Variants in KIF13A observed in about 807,000 individuals in gnomAD.
The protein encoded by KIF13A is kinesin-like protein KIF13A.
KIF13A carries 79 observed loss-of-function variants against 212.2 expected under a neutral mutation model. The ratio of observed to expected loss-of-function variants is 0.37; its 90% CI spans 0.31 to 0.45. KIF13A has a LOEUF of 0.45. KIF13A is among the 20% of genes least tolerant of loss of function. KIF13A has a pLI of 1.00. For missense variants in KIF13A, 1,901 were observed against 2,209.0 expected, an observed-to-expected ratio of 0.86 and a Z score of 2.79; for synonymous variants, 789 against 808.6, an observed-to-expected ratio of 0.98 and a Z score of 0.41.
At position 17,892,647 on chromosome 6, in the gene KIF13A, G is replaced by A. The variant is rs929645824; in HGVS notation, c.159+5521C>T. On this transcript the variant is annotated intron_variant, in intron 3 of 38. Transcript: ENST00000259711. This position sits in a 1 kb window ranked among gnomAD's most constrained non-coding sequence, Gnocchi z 4.7. The stretch of plus-strand genomic sequence containing the variant: ...AATTCTTGACTTCTGGGAGGGGAGA[G>A]ACACTAGAGACTGAGTTCAATGGAT... Among the ~76,000 whole-genome samples, 2 of 152,184 alleles carry A rather than the reference G, an allele frequency of 1.3e-5. No individual in the cohort carries two copies. Among genetic ancestry groups the A allele is most frequent in the African/African-American group, 4.8e-5 (2 of 41,434 alleles).
intron 2 of KIF13A, among the ~76,000 whole-genome samples, chr6:17,939,554 G>C (rs554821207): frequency 1.3e-5 from 2 of 152,298 alleles, no homozygotes; most frequent in Non-Finnish European, 2.9e-5. Flanking sequence ...CTACTGGTCT[G>C]TATTCCCAGG....
chr6:17,935,786 G>A (rs1776405513), intron 2 of KIF13A, among the ~76,000 whole-genome samples: 1 of 152,144 alleles, frequency 6.6e-6, no homozygotes, highest in Non-Finnish European at 1.5e-5. Context: ...AAAAGTTGAT[G>A]TACACTACAT....
At chr6:17,765,116 G>C (rs991278416) in intron 38 of KIF13A, among the ~76,000 whole-genome samples, 170 bp from the exon 39 acceptor site, 7 of 152,188 alleles carry the variant, frequency 4.6e-5, no homozygotes, top group African/African-American at 1.7e-4. Flanking sequence ...AGATATAGGT[G>C]TATCAGTATT....
rs1362608854 is a variant in KIF13A, at chr6:17,806,680, G to A, written c.2164-1065C>T. Among the ~76,000 whole-genome samples the A allele has an allele frequency of 3.3e-5, 5 of 152,186 alleles. No homozygotes were observed. The East Asian group carries it at 9.6e-4, about 29-fold the overall frequency. The stretch of plus-strand genomic sequence containing the variant: ...GGATCACCTGAGGTCAGGAGTTCGA[G>A]ACCAGCCTCACTAACATGGTGAAAC... On this transcript the variant is annotated intron_variant, in intron 18 of 38. Coordinates refer to ENST00000259711, the MANE Select transcript of KIF13A (RefSeq NM_022113.6).
At position 17,794,230 on chromosome 6, in the gene KIF13A, T is replaced by C; in HGVS notation, c.3222+19A>G. On this transcript the variant is annotated intron_variant, in intron 25 of 38. Transcript: ENST00000259711. The surrounding 1 kb of genome is among the most constrained non-coding windows in gnomAD (Gnocchi z 4.1). Reference sequence around the variant, plus strand: ...TAACCAAGCTTTGTTAAATACTATTTTAAGTCTGCTTGTCTTACCTGGTAA... The same window carrying C: ...TAACCAAGCTTTGTTAAATACTATTCTAAGTCTGCTTGTCTTACCTGGTAA... The C allele has an allele frequency of 6.3e-7, 1 of 1,599,524 alleles. No individual in the cohort carries two copies. The highest frequency in any genetic ancestry group is 8.6e-7 in the Non-Finnish European group (1 of 1,169,108).
intron 9 of KIF13A, among the ~76,000 whole-genome samples, chr6:17,845,316 A>G (rs566589913): frequency 6.6e-5 from 10 of 152,338 alleles, no homozygotes; most frequent in Non-Finnish European, 1.5e-4. Flanking sequence ...GCCATACCAT[A>G]TCACCAAGTC....
rs756292656 is a variant in KIF13A, at chr6:17,785,580, A to G, written c.3423T>C (p.Thr1141=). 1.2e-5 allele frequency: 19 copies of G among 1,604,540 alleles called. No homozygotes were observed. Among genetic ancestry groups the G allele is most frequent in the Admixed American group, 1.7e-5 (1 of 58,488 alleles). ...GCACCAGCACAGCATTCCTTTCCTC[A>G]GTCAGCCCTACCCACTGCTCCACAA... ...AQLVEQWVGL[T]EERNAVLVPA... is the part of the protein sequence containing the mutation. Residue 1141 remains threonine (T), a synonymous_variant, in exon 28 of 39, where the codon ACT becomes ACC. Transcript: ENST00000259711. The surrounding 1 kb of genome is among the most constrained non-coding windows in gnomAD (Gnocchi z 5.8).
chr6:17,871,789 A>T lies in KIF13A; in HGVS notation c.220+1588T>A, dbSNP rs1404885077. Among the ~76,000 whole-genome samples, 1 of 152,244 alleles carries T rather than the reference A, an allele frequency of 6.6e-6. No homozygotes were observed. The highest frequency in any genetic ancestry group is 1.9e-4 in the East Asian group (1 of 5,202). ...CTGAGAAGTGCATGAGAAGAGCTCCAGTTCAGGAAGATATATATGGCTGCA... is the reference window on the plus strand; with the variant it reads ...CTGAGAAGTGCATGAGAAGAGCTCCTGTTCAGGAAGATATATATGGCTGCA... On this transcript the variant is annotated intron_variant, in intron 4 of 38. Coordinates refer to ENST00000259711, the MANE Select transcript of KIF13A (RefSeq NM_022113.6). This position sits in a 1 kb window ranked among gnomAD's most constrained non-coding sequence, Gnocchi z 4.4.
intron 4 of KIF13A, among the ~76,000 whole-genome samples, chr6:17,859,634 A>ATTTTTTTTTTTTTTTTTTTTTTTTTT (rs1187732765): frequency 9.6e-6 from 1 of 103,690 alleles, no homozygotes; most frequent in Non-Finnish European, 1.9e-5. Flanking sequence ...ATATATATAT[A>ATTTTTTTTTTTTTTTTTTTTTTTTTT]TATATTTTTT....
intron 16 of KIF13A, among the ~76,000 whole-genome samples, chr6:17,818,829 T>A (rs1764177761): frequency 6.6e-6 from 1 of 152,168 alleles, no homozygotes; most frequent in Non-Finnish European, 1.5e-5. Context: ...TAAACTGATG[T>A]GGTACTCTTA....
chr6:17,880,307 T>C (rs1451619726), intron 3 of KIF13A, among the ~76,000 whole-genome samples: 1 of 151,970 alleles, frequency 6.6e-6, no homozygotes, highest in Non-Finnish European at 1.5e-5. Flanking sequence ...AAACCCACCA[T>C]ATTATACTAG....
chr6:17,898,033 C>A lies in KIF13A; in HGVS notation c.159+135G>T. On this transcript the variant is annotated intron_variant, in intron 3 of 38. Transcript: ENST00000259711. The surrounding 1 kb of genome is among the most constrained non-coding windows in gnomAD (Gnocchi z 5.2). Reference sequence around the variant, plus strand: ...TATGTTAACACTGATATTAATTGTTCATGATGTGAGTTTTAAATTAGGATG... The same window carrying A: ...TATGTTAACACTGATATTAATTGTTAATGATGTGAGTTTTAAATTAGGATG... 2 of 721,080 alleles carry A rather than the reference C, an allele frequency of 2.8e-6. No homozygotes were observed. Among genetic ancestry groups the A allele is most frequent in the Admixed American group, 2.9e-5 (1 of 34,150 alleles). 44.7% of individuals were successfully genotyped at this position (721,080 alleles called of 1,614,324 possible). A position where few individuals can be genotyped will look rare whatever the true frequency, so the allele number is the denominator to read the frequency against.
intron 9 of KIF13A, among the ~76,000 whole-genome samples, chr6:17,847,980 T>G (rs1195951105): frequency 6.6e-6 from 1 of 151,996 alleles, no homozygotes; most frequent in Non-Finnish European, 1.5e-5. Flanking sequence ...CCTGGCTAAT[T>G]TTTTGCATTT....
rs941933454 is a variant in KIF13A, at chr6:17,916,369, T to C, written c.147-18189A>G. Among the ~76,000 whole-genome samples the C allele has an allele frequency of 3.3e-5, 5 of 152,322 alleles. No individual in the cohort carries two copies. The South Asian group carries it at 6.2e-4, about 19-fold the overall frequency. ...CTCATGTGAAACCTCACTGTGTATATGACTTTCCTATAACGCCTGTTACCT... is the reference window on the plus strand; with the variant it reads ...CTCATGTGAAACCTCACTGTGTATACGACTTTCCTATAACGCCTGTTACCT... On this transcript the variant is annotated intron_variant, in intron 2 of 38. Transcript: ENST00000259711.
rs1781367655 is a variant in KIF13A, at chr6:17,984,365, G to T, written c.146+2689C>A. Among the ~76,000 whole-genome samples the T allele has an allele frequency of 1.3e-5, 2 of 152,160 alleles. No individual in the cohort carries two copies. Among genetic ancestry groups the T allele is most frequent in the Non-Finnish European group, 2.9e-5 (2 of 68,018 alleles). On this transcript the variant is annotated intron_variant, in intron 2 of 38. Transcript: ENST00000259711. The surrounding 1 kb of genome is among the most constrained non-coding windows in gnomAD (Gnocchi z 5.0). ...ATGTCTCCTGGAGAGCAATGCAATG[G>T]TATTTTAAGAAACAAATCCATGTGT... is the stretch of plus-strand genomic sequence containing the variant.
At chr6:17,969,058 C>T (rs1289531665) in intron 2 of KIF13A, among the ~76,000 whole-genome samples, 2 of 152,354 alleles carry the variant, frequency 1.3e-5, no homozygotes, top group East Asian at 1.9e-4. Context: ...GGGTGTATAG[C>T]TCTGGCAGTA....
At chr6:17,911,954 G>A (rs1045136315) in intron 2 of KIF13A, among the ~76,000 whole-genome samples, 3 of 151,972 alleles carry the variant, frequency 2.0e-5, no homozygotes, top group Admixed American at 6.6e-5. Context: ...TAGTAGAGAC[G>A]GGGTTTCACC....
intron 38 of KIF13A, among the ~76,000 whole-genome samples, chr6:17,765,663 T>C (rs1332341652): frequency 6.6e-6 from 1 of 152,298 alleles, no homozygotes; most frequent in South Asian, 2.1e-4. Flanking sequence ...TAAAACAGTT[T>C]TCAAGCCCCT....
chr6:17,940,134 G>GTTCC (rs924798480), intron 2 of KIF13A, among the ~76,000 whole-genome samples: 122 of 149,264 alleles, frequency 8.2e-4, no homozygotes, highest in African/African-American at 2.1e-3. Context: ...CTATATGGAA[G>GTTCC]TTCCTTCCTT....
Sources: gnomAD v4.1 joint callset for allele counts (sites outside exome capture counted in the v4.1 genomes callset) on GRCh38, gnomAD v4.1.1 for gene constraint, Gnocchi (gnomAD v3.1) non-coding constraint, MANE v1.5 for transcripts, NCBI Gene and HGNC (gene_info 2026-07-23, HGNC 2026-07-21) for gene names.